FMR1NB: variants seen among roughly 807,000 people sequenced by gnomAD.
FMR1NB encodes the protein FMR1 neighbor protein.
FMR1NB carries 10 observed loss-of-function variants against 16.8 expected under a neutral mutation model. That is an observed-to-expected ratio of 0.60 (90% CI 0.37 to 1.01). FMR1NB has a LOEUF of 1.01. Among genes scored for constraint, FMR1NB ranks in the 50% least tolerant of loss-of-function variants. FMR1NB has a pLI of 0.01. For synonymous variants in FMR1NB, 83 were observed against 79.1 expected (o/e 1.05, Z -0.26); for missense variants, 205 against 204.8 (o/e 1.00, Z 0.00).
intron 4 of FMR1NB, among the ~76,000 whole-genome samples, chrX:148,017,501 T>C (rs1255715556): frequency 9.0e-6 from 1 of 111,079 alleles, no homozygotes; most frequent in Non-Finnish European, 1.9e-5. Context: ...CCACTAACTC[T>C]TAGATTTGTC....
intron 1 of FMR1NB, among the ~76,000 whole-genome samples, chrX:147,990,039 G>GAAAAAA (rs200206178): frequency 1.1e-5 from 1 of 87,676 alleles, no homozygotes. Context: ...ACTGGGCTAA[G>GAAAAAA]AAAAAAAAAA....
intron 5 of FMR1NB, 95 bp downstream of exon 5, chrX:148,025,108 T>G: frequency 1.0e-6 from 1 of 971,016 alleles, no homozygotes; most frequent in Non-Finnish European, 1.4e-6. Context: ...TGACACATTT[T>G]TTTTAACCAC....
intron 1 of FMR1NB, among the ~76,000 whole-genome samples, chrX:147,990,912 T>C (rs1009225406): frequency 6.4e-5 from 7 of 108,868 alleles, no homozygotes; most frequent in Non-Finnish European, 1.3e-4. Context: ...ACCTCCATCA[T>C]CTCCTCTCTT....
intron 1 of FMR1NB, among the ~76,000 whole-genome samples, chrX:148,001,743 C>CT (rs1481433528): frequency 4.6e-5 from 5 of 109,324 alleles, no homozygotes; most frequent in Non-Finnish European, 9.5e-5. Context: ...GAGCGATACT[C>CT]TGTCTCAAAA....
chrX:148,024,088 C>T (rs1405972820), intron 4 of FMR1NB, among the ~76,000 whole-genome samples: 2 of 111,951 alleles, frequency 1.8e-5, no homozygotes, highest in African/African-American at 6.5e-5. Context: ...GGAAGTTTAT[C>T]ATACCTGCTG....
intron 3 of FMR1NB, among the ~76,000 whole-genome samples, chrX:148,007,506 TCTCCAA>T (rs1331675308): frequency 9.0e-6 from 1 of 111,708 alleles, no homozygotes; most frequent in Non-Finnish European, 1.9e-5. Flanking sequence ...CCCAGGCTGG[TCTCCAA>T]CTCTTGGGTT....
At chrX:148,017,903 T>A (rs1186539770) in intron 4 of FMR1NB, among the ~76,000 whole-genome samples, 1 of 109,024 alleles carries the variant, frequency 9.2e-6, no homozygotes, top group African/African-American at 3.4e-5. Flanking sequence ...TATTCCATGG[T>A]GTACATGTGC....
chrX:147,982,575 C>A (rs1443383001), intron 1 of FMR1NB, among the ~76,000 whole-genome samples: 2 of 77,350 alleles, frequency 2.6e-5, no homozygotes, highest in African/African-American at 5.5e-5. Context: ...GGCGACAGAG[C>A]GAGACTCCGT....
At chrX:148,012,823 G>A (rs1441129171) in intron 4 of FMR1NB, among the ~76,000 whole-genome samples, 2 of 111,666 alleles carry the variant, frequency 1.8e-5, no homozygotes, top group Non-Finnish European at 3.8e-5. Context: ...TTAAAAAATA[G>A]ACATTTACAT....
chrX:148,001,157 G>T (rs959063101), intron 1 of FMR1NB, among the ~76,000 whole-genome samples: 1 of 111,720 alleles, frequency 9.0e-6, no homozygotes, highest in Non-Finnish European at 1.9e-5. Flanking sequence ...AAAGTGCAGG[G>T]CCTATCTGAA....
Position 147,981,431 on chromosome X carries a change from G to C in FMR1NB, c.29G>C (p.Gly10Ala), listed in dbSNP as rs372262278. The C allele has an allele frequency of 3.1e-5, 38 of 1,209,025 alleles. No individual in the cohort carries two copies. The highest frequency in any genetic ancestry group is 3.8e-5 in the Non-Finnish European group (34 of 894,785). Reference protein sequence around the residue: MSSHRRKAKGRNRRSHRAMR... With the variant: MSSHRRKAKARNRRSHRAMR... ...TCTTCACATAGGAGGAAAGCGAAGGGGAGGAATAGGAGAAGTCACCGTGCC... is the reference window on the plus strand; with the variant it reads ...TCTTCACATAGGAGGAAAGCGAAGGCGAGGAATAGGAGAAGTCACCGTGCC... The change falls in exon 1 of 6, where the codon GGG (glycine) becomes GCG (alanine). Residue 10 changes from glycine (G) to alanine (A), a missense_variant. Transcript: ENST00000370467.
At chrX:148,024,488 G>A (rs1192694509) in intron 4 of FMR1NB, among the ~76,000 whole-genome samples, 2 of 111,648 alleles carry the variant, frequency 1.8e-5, no homozygotes, top group Admixed American at 1.9e-4. Context: ...TTACTGTGTA[G>A]ATTTGAAGTT....
chrX:148,001,117 A>G (rs1340301746), intron 1 of FMR1NB, among the ~76,000 whole-genome samples: 5 of 112,102 alleles, frequency 4.5e-5, no homozygotes, highest in African/African-American at 1.6e-4. Flanking sequence ...AACAAAATAT[A>G]TATGATGCCT....
intron 1 of FMR1NB, among the ~76,000 whole-genome samples, chrX:147,999,319 C>T (rs1016190978): frequency 8.9e-6 from 1 of 111,831 alleles, no homozygotes; most frequent in South Asian, 3.7e-4. Context: ...GCAACAAGGA[C>T]AGCAAATTGA....
In FMR1NB at chrX:148,025,006, G is replaced by T. The variant is rs2044696793; in HGVS notation, c.*6G>T. On this transcript the variant is annotated 3_prime_UTR_variant, in exon 5 of 6. Transcript: ENST00000370467. ...AGGAACATGGTGACGAGTAGCAAGA[G>T]ACCAAAGGTAATTGACAATAGGATA... 2 of 1,208,584 alleles carry T rather than the reference G, an allele frequency of 1.7e-6. No individual in the cohort carries two copies. The highest frequency in any genetic ancestry group is 1.7e-5 in the African/African-American group (1 of 57,664).
At chrX:147,987,228 C>T (rs1190452938) in intron 1 of FMR1NB, among the ~76,000 whole-genome samples, 2 of 111,483 alleles carry the variant, frequency 1.8e-5, no homozygotes, top group East Asian at 2.8e-4. Flanking sequence ...GGGGCTGAGA[C>T]GATGGGGTTT....
At chrX:147,982,274 G>A (rs1441833642) in intron 1 of FMR1NB, among the ~76,000 whole-genome samples, 6 of 97,339 alleles carry the variant, frequency 6.2e-5, no homozygotes, top group African/African-American at 2.3e-4. Context: ...TGGTGAGAGA[G>A]CGAGACTCCG....
chrX:147,982,588 C>CAAAAAAA (rs79206034), intron 1 of FMR1NB, among the ~76,000 whole-genome samples: 1 of 28,466 alleles, frequency 3.5e-5, no homozygotes, highest in Non-Finnish European at 5.8e-5. Flanking sequence ...GACTCCGTCT[C>CAAAAAAA]AAAAAAAAAA....
intron 1 of FMR1NB, among the ~76,000 whole-genome samples, chrX:147,994,091 C>T (rs2044529472): frequency 9.0e-6 from 1 of 111,460 alleles, no homozygotes; most frequent in African/African-American, 3.3e-5. Context: ...TGCACAAAGG[C>T]CTTAGATTTC....
Sources: allele counts gnomAD v4.1 joint callset (sites outside exome capture counted in the v4.1 genomes callset), GRCh38; gene constraint gnomAD v4.1.1; transcripts MANE v1.5; gene names NCBI Gene and HGNC (gene_info 2026-07-23, HGNC 2026-07-21).